The following POLA1 variants were observed in gnomAD, a reference collection of about 807,000 sequenced individuals.
The protein encoded by POLA1 is DNA polymerase alpha catalytic subunit.
POLA1 carries 15 observed loss-of-function variants against 124.0 expected under a neutral mutation model. The observed-to-expected ratio is 0.12, with a 90% CI of 0.08 to 0.19. POLA1 has a LOEUF of 0.19. Among genes scored for constraint, POLA1 ranks in the 10% least tolerant of loss-of-function variants. The pLI is 1.00. For synonymous variants in POLA1, 408 were observed against 389.4 expected (o/e 1.05, Z -0.56); for missense variants, 886 against 1,103.4 (o/e 0.80, Z 2.79).
chrX:24,977,440 TC>T (rs1205156063), intron 36 of POLA1, among the ~76,000 whole-genome samples: 1 of 112,024 alleles, frequency 8.9e-6, no homozygotes, highest in African/African-American at 3.3e-5. Flanking sequence ...TTGACCTGTG[TC>T]CTTTTTTTTT....
intron 36 of POLA1, among the ~76,000 whole-genome samples, chrX:24,994,172 C>G (rs933681358): frequency 8.9e-5 from 10 of 112,559 alleles, no homozygotes; most frequent in Admixed American, 3.7e-4. Flanking sequence ...TATTCCCAGA[C>G]TCAGATCATT....
intron 26 of POLA1, among the ~76,000 whole-genome samples, chrX:24,768,833 G>A (rs1169131058): frequency 6.3e-5 from 7 of 111,627 alleles, no homozygotes; most frequent in South Asian, 3.8e-4. Flanking sequence ...CGGAAACAGC[G>A]CTTTATTCTT....
rs748009088 is a variant in POLA1 at position 24,716,431 on chromosome X, C to T, written c.595C>T (p.Pro199Ser). The change falls in exon 7 of 37, where the codon CCT becomes TCT. Residue 199 changes from proline to serine, a missense_variant. Physicochemically the swap from Pro to Ser is moderately conservative, Grantham distance 74. Transcript: ENST00000379068. The part of the protein sequence containing the change: ...KKRSIGASPN[P>S]FSVHTATAVP... ...AAGATCCATTGGAGCTTCACCGAAT[C>T]CTTTCTCTGTGCACACCGCCACGGT... 8.7e-7 allele frequency: 1 copy of T among 1,153,647 alleles called. No individual in the cohort carries two copies. Among genetic ancestry groups the T allele is most frequent in the African/African-American group, 1.8e-5 (1 of 56,241 alleles).
chrX:24,959,696 C>T (rs766664779), intron 36 of POLA1, among the ~76,000 whole-genome samples: 1 of 111,202 alleles, frequency 9.0e-6, no homozygotes, highest in Non-Finnish European at 1.9e-5. Context: ...AATTGAGATG[C>T]GTCATAAGTA....
At chrX:24,956,162 C>G (rs1180583251) in intron 36 of POLA1, among the ~76,000 whole-genome samples, 7 of 108,852 alleles carry the variant, frequency 6.4e-5, no homozygotes, top group African/African-American at 2.0e-4. Context: ...TGGCACATGC[C>G]TATCTATAGT....
chrX:24,987,879 G>A (rs769035577), intron 36 of POLA1, among the ~76,000 whole-genome samples: 34 of 111,765 alleles, frequency 3.0e-4, no homozygotes, highest in Non-Finnish European at 5.1e-4. Flanking sequence ...GACCTGGAAT[G>A]GTAAGGGCCC....
intron 36 of POLA1, among the ~76,000 whole-genome samples, chrX:24,974,727 G>A (rs1301409184): frequency 1.8e-5 from 2 of 111,326 alleles, no homozygotes; most frequent in Non-Finnish European, 3.8e-5. Context: ...CCTAGATGAT[G>A]GGTTGATAGG....
chrX:24,981,739 T>C (rs1285011981), intron 36 of POLA1, among the ~76,000 whole-genome samples: 1 of 112,462 alleles, frequency 8.9e-6, no homozygotes, highest in Non-Finnish European at 1.9e-5. Context: ...AGAGTTTTAT[T>C]ATCACATATT....
chrX:24,879,394 AG>A (rs1451707941), intron 34 of POLA1, among the ~76,000 whole-genome samples: 1 of 111,971 alleles, frequency 8.9e-6, no homozygotes, highest in Non-Finnish European at 1.9e-5. Flanking sequence ...AGCTTCATAT[AG>A]GGGGAAAAAA....
At chrX:24,799,768 G>T (rs955789375) in intron 26 of POLA1, among the ~76,000 whole-genome samples, 1 of 111,649 alleles carries the variant, frequency 9.0e-6, no homozygotes, top group African/African-American at 3.3e-5. Flanking sequence ...GTGAGGGAAG[G>T]CGGGGTGGGG....
chrX:24,901,934 T>G (rs1383590073), intron 35 of POLA1, among the ~76,000 whole-genome samples: 6 of 111,683 alleles, frequency 5.4e-5, no homozygotes, highest in Non-Finnish European at 1.1e-4. Context: ...TGTTTGACTT[T>G]CAGCTCACAG....
chrX:24,850,336 A>C (rs1198094476), intron 34 of POLA1, among the ~76,000 whole-genome samples: 1 of 112,298 alleles, frequency 8.9e-6, no homozygotes, highest in Non-Finnish European at 1.9e-5. Context: ...CCAATTCCCT[A>C]AAACATGCCA....
intron 35 of POLA1, among the ~76,000 whole-genome samples, chrX:24,895,740 G>C (rs776830977): frequency 9.8e-5 from 11 of 112,196 alleles, no homozygotes; most frequent in Non-Finnish European, 1.9e-4. Flanking sequence ...GGCTTCTGCA[G>C]TTCTTGGAGA....
intron 32 of POLA1, among the ~76,000 whole-genome samples, chrX:24,833,265 G>T (rs1399422225): frequency 1.8e-5 from 2 of 111,762 alleles, no homozygotes; most frequent in Non-Finnish European, 3.8e-5. Flanking sequence ...GTATTCCATG[G>T]TGTATATATA....
chrX:24,715,048 G>A (rs778107422), intron 5 of POLA1, 93 bp from the exon 6 acceptor site: 1 of 610,034 alleles, frequency 1.6e-6, no homozygotes, highest in African/African-American at 2.2e-5. Context: ...GGACTAACTG[G>A]CTAGGTCCTT....
intron 4 of POLA1, among the ~76,000 whole-genome samples, chrX:24,711,803 G>A (rs1457301481): frequency 1.8e-5 from 2 of 111,767 alleles, no homozygotes; most frequent in Non-Finnish European, 3.8e-5. Context: ...TCACCATGTT[G>A]GCCAGGCTGG....
intron 32 of POLA1, among the ~76,000 whole-genome samples, chrX:24,832,010 C>T (rs752361949): frequency 8.9e-6 from 1 of 111,851 alleles, no homozygotes; most frequent in African/African-American, 3.3e-5. Context: ...CCAGTCATTT[C>T]GTTGATTTCA....
chrX:24,928,165 A>G (rs988022032), intron 35 of POLA1, among the ~76,000 whole-genome samples: 1 of 112,049 alleles, frequency 8.9e-6, no homozygotes, highest in East Asian at 2.8e-4. Context: ...TTTAAAATAT[A>G]TAACTCCTTT....
intron 1 of POLA1, among the ~76,000 whole-genome samples, chrX:24,698,724 G>T (rs1030688248): frequency 9.0e-6 from 1 of 111,323 alleles, no homozygotes; most frequent in Non-Finnish European, 1.9e-5. Flanking sequence ...TGCGATCTCA[G>T]CTCGCTGCAG....
Sources: allele counts gnomAD v4.1 joint callset (sites outside exome capture counted in the v4.1 genomes callset), GRCh38; gene constraint gnomAD v4.1.1; transcripts MANE v1.5; gene names NCBI Gene and HGNC (gene_info 2026-07-23, HGNC 2026-07-21).